Variants in TET3 observed in about 807,000 individuals in gnomAD.
The protein encoded by TET3 is methylcytosine dioxygenase TET3.
Under a neutral mutation model 141.4 loss-of-function variants are expected in TET3, and 19 were observed. That is an observed-to-expected ratio of 0.13 (90% CI 0.09 to 0.20). The LOEUF (loss-of-function observed/expected upper bound fraction) is 0.20. Ranked by LOEUF, TET3 falls within the 10% of genes least tolerant of loss-of-function variation. The probability of loss-of-function intolerance (pLI) is 1.00; values close to 1 mark genes in which losing one functional copy is unlikely to be tolerated. For missense variants in TET3, 1,874 were observed against 2,356.9 expected (o/e 0.80, Z 4.24); for synonymous variants, 1,043 against 980.9 (o/e 1.06, Z -1.18).
intron 3 of TET3, among the ~76,000 whole-genome samples, chr2:74,018,563 A>G (rs1367518527): frequency 6.6e-6 from 1 of 152,086 alleles, no homozygotes; most frequent in African/African-American, 2.4e-5. Context: ...TTTATTGGGT[A>G]TTTGTAGTTT....
At chr2:74,023,903 A>G (rs1409121209) in intron 3 of TET3, among the ~76,000 whole-genome samples, 5 of 152,150 alleles carry the variant, frequency 3.3e-5, no homozygotes. Context: ...ATTCATTTAT[A>G]AATACCACTA....
Position 73,986,562 on chromosome 2 carries a change from A to G in TET3, c.159A>G (p.Lys53=). ...QLRGGGDGRK[K]RKRCGTCEPC... The stretch of plus-strand genomic sequence containing the variant: ...GAGGGGGTGGAGATGGTCGAAAGAA[A>G]CGGAAACGGTGTGGTACTTGTGAGC... The change falls in exon 2 of 12, where the codon AAA becomes AAG. Residue 53 remains lysine, a synonymous_variant. Transcript: ENST00000409262. 1.6e-6 allele frequency: 2 copies of G among 1,232,250 alleles called. No homozygotes were observed. The highest frequency in any genetic ancestry group is 3.1e-4 in the Middle Eastern group (1 of 3,210). 76.3% of individuals were successfully genotyped at this position (1,232,250 alleles called of 1,614,324 possible).
chr2:74,014,222 A>AT (rs1685611953), intron 3 of TET3, among the ~76,000 whole-genome samples: 1 of 151,938 alleles, frequency 6.6e-6, no homozygotes, highest in South Asian at 2.1e-4. Flanking sequence ...TCCTTAGCAC[A>AT]TTTTTTCTAT....
chr2:74,015,725 T>C (rs906138295), intron 3 of TET3, among the ~76,000 whole-genome samples: 3 of 152,202 alleles, frequency 2.0e-5, no homozygotes, highest in African/African-American at 7.2e-5. Flanking sequence ...TAAGTGTTTG[T>C]ATAGAACAAA....
At chr2:74,029,875 A>G (rs528710380) in intron 3 of TET3, among the ~76,000 whole-genome samples, 1 of 152,350 alleles carries the variant, frequency 6.6e-6, no homozygotes, top group South Asian at 2.1e-4. Context: ...ACTTGGAGAT[A>G]AAGTCACTGT....
At chr2:74,045,550 T>C (rs897645533) in intron 3 of TET3, among the ~76,000 whole-genome samples, 2 of 152,238 alleles carry the variant, frequency 1.3e-5, no homozygotes, top group African/African-American at 4.8e-5. Context: ...GCTCTCGTGC[T>C]TGGGGAGAGG....
Position 74,105,233 on chromosome 2 carries a change from G to C in TET3, c.*3057G>C, listed in dbSNP as rs1353491009. On this transcript the variant is annotated 3_prime_UTR_variant, in exon 12 of 12. Transcript: ENST00000409262. ...GAGTCATATTATAGCAACGGAAATCGATGGCGTCTTAGTCATCTCCCCAGT... is the reference window on the plus strand; with the variant it reads ...GAGTCATATTATAGCAACGGAAATCCATGGCGTCTTAGTCATCTCCCCAGT... 2 of 398,408 alleles carry C rather than the reference G, an allele frequency of 5.0e-6. No individual in the cohort carries two copies. The highest frequency in any genetic ancestry group is 8.8e-6 in the Non-Finnish European group (2 of 226,066). 24.7% of individuals were successfully genotyped at this position (398,408 alleles called of 1,614,324 possible).
chr2:74,038,151 G>A (rs1687165314), intron 3 of TET3, among the ~76,000 whole-genome samples: 1 of 152,202 alleles, frequency 6.6e-6, no homozygotes. Flanking sequence ...GCGGGGTGCA[G>A]GGTCACCTTC....
intron 2 of TET3, among the ~76,000 whole-genome samples, chr2:73,989,823 G>A (rs1684236847): frequency 6.6e-6 from 1 of 152,060 alleles, no homozygotes; most frequent in South Asian, 2.1e-4. Context: ...GGTGAGTAAG[G>A]AAGCACAGTG....
At position 74,107,653 on chromosome 2, in the gene TET3, G is replaced by A. The variant is rs1368202254; in HGVS notation, c.*5477G>A. ...ATATTAATACATTAGACTTAATCTA[G>A]AACCCCTGTAGCTTTTTGATGTGTT... On this transcript the variant is annotated 3_prime_UTR_variant, in exon 12 of 12. Coordinates refer to ENST00000409262, the MANE Select transcript of TET3 (RefSeq NM_001287491.2). 6.6e-6 allele frequency: 1 copy of A among 152,136 alleles called. No individual in the cohort carries two copies. Among genetic ancestry groups the A allele is most frequent in the African/African-American group, 2.4e-5 (1 of 41,426 alleles). 9.4% of individuals were successfully genotyped at this position (152,136 alleles called of 1,614,324 possible). A position where few individuals can be genotyped will look rare whatever the true frequency, so the allele number is the denominator to read the frequency against.
chr2:74,054,538 G>A (rs1188880936), intron 4 of TET3, among the ~76,000 whole-genome samples: 1 of 152,182 alleles, frequency 6.6e-6, no homozygotes, highest in Non-Finnish European at 1.5e-5. Flanking sequence ...CTGTGAACTG[G>A]TAGTTCTTTG....
intron 3 of TET3, among the ~76,000 whole-genome samples, chr2:74,037,500 G>T (rs114194324): frequency 1.3e-3 from 196 of 152,372 alleles, no homozygotes; most frequent in African/African-American, 4.5e-3. Flanking sequence ...GGTATGTGTG[G>T]TTGGGAAAGT....
chr2:74,112,927 G>A (rs909256876), downstream of TET3, among the ~76,000 whole-genome samples: 5 of 140,062 alleles, frequency 3.6e-5, no homozygotes, highest in Non-Finnish European at 7.6e-5. Context: ...CTTGATATGG[G>A]ACCCGAGAGG....
Position 74,100,838 on chromosome 2 carries a change from C to A in TET3, c.4050C>A (p.His1350Gln). The part of the protein sequence containing the change: ...LPSQAVPTDA[H>Q]HPTPHHQQPA... Reference sequence around the variant, plus strand: ...GCCAGGCTGTTCCCACAGACGCCCACCACCCCACTCCTCACCACCAGCAGC... The same window carrying A: ...GCCAGGCTGTTCCCACAGACGCCCAACACCCCACTCCTCACCACCAGCAGC... Residue 1350 changes from histidine to glutamine, a missense_variant, in exon 12 of 12, where the codon CAC becomes CAA. Physicochemically the swap from His to Gln is conservative, Grantham distance 24 (BLOSUM62 0). Coordinates refer to ENST00000409262, the MANE Select transcript of TET3 (RefSeq NM_001287491.2). 6.2e-7 allele frequency: 1 copy of A among 1,612,036 alleles called. No individual in the cohort carries two copies. Among genetic ancestry groups the A allele is most frequent in the East Asian group, 2.2e-5 (1 of 44,782 alleles).
chr2:74,098,372 TA>T (rs1690968064), intron 10 of TET3, among the ~76,000 whole-genome samples: 1 of 152,094 alleles, frequency 6.6e-6, no homozygotes, highest in Middle Eastern at 3.2e-3. Context: ...CACAGGAAAA[TA>T]TTTATACTAT....
At chr2:74,022,808 G>A (rs896781348) in intron 3 of TET3, among the ~76,000 whole-genome samples, 2 of 152,068 alleles carry the variant, frequency 1.3e-5, no homozygotes, top group Non-Finnish European at 2.9e-5. Context: ...TAAGAGTCTT[G>A]CTCTGTCGCC....
At chr2:74,031,325 G>A (rs1686674922) in intron 3 of TET3, among the ~76,000 whole-genome samples, 1 of 152,054 alleles carries the variant, frequency 6.6e-6, no homozygotes, top group South Asian at 2.1e-4. Flanking sequence ...CCACAGACAG[G>A]CCAGAGAGAC....
At chr2:74,115,882 G>A in the TET3 span, among the ~76,000 whole-genome samples, 1 of 151,866 alleles carries the variant, frequency 6.6e-6, no homozygotes, top group African/African-American at 2.4e-5. Flanking sequence ...TCGCATGGTG[G>A]CACATGCCTG....
At chr2:74,132,495 C>T in the TET3 span, among the ~76,000 whole-genome samples, 1 of 152,204 alleles carries the variant, frequency 6.6e-6, no homozygotes, top group Admixed American at 6.5e-5. Flanking sequence ...TCAAGTGATC[C>T]TGCTGCCTCA....
Sources: allele counts gnomAD v4.1 joint callset (sites outside exome capture counted in the v4.1 genomes callset), GRCh38; gene constraint gnomAD v4.1.1; transcripts MANE v1.5; gene names NCBI Gene and HGNC (gene_info 2026-07-23, HGNC 2026-07-21).